HS2ST1: variants seen among roughly 807,000 people sequenced by gnomAD.
HS2ST1 encodes the protein 2-O-sulfotransferase.
A neutral mutation model predicts 42.9 loss-of-function variants in HS2ST1; 18 were observed. The ratio of observed to expected loss-of-function variants is 0.42; its 90% CI spans 0.29 to 0.62. The LOEUF (loss-of-function observed/expected upper bound fraction) is 0.62, where lower values mean the gene tolerates loss of function less well. Ranked by LOEUF, HS2ST1 falls within the 20% of genes least tolerant of loss-of-function variation. The probability of loss-of-function intolerance (pLI) is 0.21; values close to 1 mark genes in which losing one functional copy is unlikely to be tolerated. For missense variants in HS2ST1, 334 were observed against 433.8 expected, an observed-to-expected ratio of 0.77 and a Z score of 2.04; for synonymous variants, 146 against 152.9, an observed-to-expected ratio of 0.95 and a Z score of 0.33.
chr1:86,974,885 CT>C lies in HS2ST1; in HGVS notation c.124+59728del, dbSNP rs537392722. Among the ~76,000 whole-genome samples the C allele has an allele frequency of 4.3e-3, 655 of 152,312 alleles. 1 individual carries two copies. The highest frequency in any genetic ancestry group is 0.013 in the South Asian group (65 of 4,824). ...CTTAAGTAGATTCCAAACTCAGGATCTTTCTGATCTCTTTTGGTCTCTTTAG... is the reference window on the plus strand; with the variant it reads ...CTTAAGTAGATTCCAAACTCAGGATCTTCTGATCTCTTTTGGTCTCTTTAG... On this transcript the variant is annotated intron_variant, in intron 1 of 6. Coordinates refer to ENST00000370550, the MANE Select transcript of HS2ST1 (RefSeq NM_012262.4).
At chr1:87,008,278 G>A (rs1649498056) in intron 1 of HS2ST1, among the ~76,000 whole-genome samples, 1 of 152,122 alleles carries the variant, frequency 6.6e-6, no homozygotes, top group South Asian at 2.1e-4. Context: ...AGGTTATACA[G>A]AAATTAGTCT....
rs925465063 is a variant in HS2ST1, at chr1:87,000,875, T to C, written c.125-72059T>C. Among the ~76,000 whole-genome samples, 8 of 152,332 alleles carry C rather than the reference T, an allele frequency of 5.3e-5. No individual in the cohort carries two copies. The East Asian group carries it at 1.5e-3, about 29-fold the overall frequency. On this transcript the variant is annotated intron_variant, in intron 1 of 6. Transcript: ENST00000370550. ...TTTTACCAGTTCTACCCTCAGTTTCTGTTGAGGAGTAGCCAAACATGCCTA... is the reference window on the plus strand; with the variant it reads ...TTTTACCAGTTCTACCCTCAGTTTCCGTTGAGGAGTAGCCAAACATGCCTA...
At chr1:87,067,600 T>C (rs940928306) in intron 1 of HS2ST1, among the ~76,000 whole-genome samples, 3 of 152,096 alleles carry the variant, frequency 2.0e-5, no homozygotes, top group Non-Finnish European at 2.9e-5. Context: ...ATTTTGGCTT[T>C]TGTTGCCATT....
intron 1 of HS2ST1, among the ~76,000 whole-genome samples, chr1:86,960,333 C>G (rs1002610797): frequency 6.6e-6 from 1 of 151,878 alleles, no homozygotes; most frequent in Non-Finnish European, 1.5e-5. Flanking sequence ...TGTAAAACTC[C>G]TAGAAGATAA....
chr1:87,088,880 A>G (rs755252964), intron 3 of HS2ST1, among the ~76,000 whole-genome samples: 1 of 152,064 alleles, frequency 6.6e-6, no homozygotes, highest in Non-Finnish European at 1.5e-5. Context: ...TGGATACAGG[A>G]CAGTGGGACC....
chr1:87,082,008 GT>G (rs1159083404), intron 2 of HS2ST1, among the ~76,000 whole-genome samples: 1 of 151,450 alleles, frequency 6.6e-6, no homozygotes, highest in Non-Finnish European at 1.5e-5. Context: ...AAAAAAGAAG[GT>G]TTTTTTGAAG....
At chr1:87,020,497 C>T (rs1426989707) in intron 1 of HS2ST1, among the ~76,000 whole-genome samples, 1 of 152,192 alleles carries the variant, frequency 6.6e-6, no homozygotes, top group Non-Finnish European at 1.5e-5. Flanking sequence ...TCTTGAGTTT[C>T]CAAAGGATTT....
rs934199367 is a variant in HS2ST1 at position 87,105,856 on chromosome 1, G to A, written c.*1160G>A. On this transcript the variant is annotated 3_prime_UTR_variant, in exon 7 of 7. Coordinates refer to ENST00000370550, the MANE Select transcript of HS2ST1 (RefSeq NM_012262.4). ...CACAGTTCATTATTCATAACTTGAG[G>A]CAGTAATTACAGTGGAATGAGTACT... is the stretch of plus-strand genomic sequence containing the variant. 1.3e-5 allele frequency: 2 copies of A among 152,420 alleles called. No individual in the cohort carries two copies. Among genetic ancestry groups the A allele is most frequent in the Non-Finnish European group, 2.9e-5 (2 of 67,904 alleles). The allele number at this position is 152,420 out of a possible 1,614,324, so 9.4% of individuals were successfully genotyped here.
At chr1:87,070,631 T>C (rs1283305525) in intron 1 of HS2ST1, among the ~76,000 whole-genome samples, 1 of 152,138 alleles carries the variant, frequency 6.6e-6, no homozygotes, top group Non-Finnish European at 1.5e-5. Flanking sequence ...TCAATACAAA[T>C]TAGTTGAATT....
chr1:87,046,396 G>A lies in HS2ST1; in HGVS notation c.125-26538G>A, dbSNP rs1396479777. ...TCCTGACAGAGCTGACCCTGAAGCT[G>A]CCTGGGAACCAACAGAAGCCAAAGC... On this transcript the variant is annotated intron_variant, in intron 1 of 6. Coordinates refer to ENST00000370550, the MANE Select transcript of HS2ST1 (RefSeq NM_012262.4). The A allele has an allele frequency of 7.5e-6, 6 of 798,804 alleles. No individual in the cohort carries two copies. The African/African-American group carries it at 8.5e-5, about 11-fold the overall frequency. 49.5% of individuals were successfully genotyped at this position (798,804 alleles called of 1,614,324 possible). A position where few individuals can be genotyped will look rare whatever the true frequency, so the allele number is the denominator to read the frequency against.
intron 5 of HS2ST1, among the ~76,000 whole-genome samples, chr1:87,101,992 A>G (rs912779336): frequency 7.2e-5 from 11 of 152,180 alleles, no homozygotes; most frequent in Admixed American, 5.9e-4. Context: ...AAGTGCGAGC[A>G]GGCACATCAT....
chr1:87,068,768 A>T (rs966339236), intron 1 of HS2ST1, among the ~76,000 whole-genome samples: 1 of 152,246 alleles, frequency 6.6e-6, no homozygotes, highest in African/African-American at 2.4e-5. Context: ...GTAACGCTAT[A>T]TACTATATTC....
chr1:87,098,734 G>A (rs1197585282), intron 5 of HS2ST1, among the ~76,000 whole-genome samples: 1 of 152,084 alleles, frequency 6.6e-6, no homozygotes, highest in African/African-American at 2.4e-5. Flanking sequence ...ACAGGGATTG[G>A]CAAACTACAG....
At chr1:87,067,453 A>G (rs1398967464) in intron 1 of HS2ST1, among the ~76,000 whole-genome samples, 2 of 152,082 alleles carry the variant, frequency 1.3e-5, no homozygotes, top group Non-Finnish European at 2.9e-5. Context: ...AGTTCTTTGT[A>G]GATTCTGGGT....
intron 1 of HS2ST1, among the ~76,000 whole-genome samples, chr1:87,034,980 G>A (rs1187409826): frequency 6.6e-6 from 1 of 152,168 alleles, no homozygotes; most frequent in African/African-American, 2.4e-5. Flanking sequence ...GAGAATCAGA[G>A]TCCTAAAGAA....
intron 2 of HS2ST1, 60 bp downstream of exon 2, chr1:87,073,232 A>G (rs1468478291): frequency 3.5e-6 from 4 of 1,152,458 alleles, no homozygotes; most frequent in African/African-American, 1.5e-5. Flanking sequence ...CAAATTTTCT[A>G]GCTCAAGGGG....
Position 86,945,208 on chromosome 1 carries a change from A to G in HS2ST1, c.124+30048A>G, listed in dbSNP as rs137907819. On this transcript the variant is annotated intron_variant, in intron 1 of 6. Transcript: ENST00000370550. ...GGAAAATTCATGCAGAGAGGATGGCATGATCTAAGGTGTGAAAATGGAGTG... is the reference window on the plus strand; with the variant it reads ...GGAAAATTCATGCAGAGAGGATGGCGTGATCTAAGGTGTGAAAATGGAGTG... Among the ~76,000 whole-genome samples, 700 of 152,314 alleles carry G rather than the reference A, an allele frequency of 4.6e-3. 4 individuals carry two copies. Among genetic ancestry groups the G allele is most frequent in the Middle Eastern group, 0.02 (6 of 294 alleles).
intron 2 of HS2ST1, among the ~76,000 whole-genome samples, chr1:87,078,895 T>C (rs889284899): frequency 2.6e-5 from 4 of 152,218 alleles, no homozygotes; most frequent in Middle Eastern, 6.8e-3. Context: ...AGAGCAGAAC[T>C]GGGACTAGAC....
chr1:87,027,917 T>C (rs546706163), intron 1 of HS2ST1, among the ~76,000 whole-genome samples: 1 of 152,348 alleles, frequency 6.6e-6, no homozygotes, highest in Admixed American at 6.5e-5. Flanking sequence ...CTTAAACTCC[T>C]GACCTCAAGT....
Sources: allele counts gnomAD v4.1 joint callset (sites outside exome capture counted in the v4.1 genomes callset), GRCh38; gene constraint gnomAD v4.1.1; transcripts MANE v1.5; gene names NCBI Gene and HGNC (gene_info 2026-07-23, HGNC 2026-07-21).